LMNB1: variants seen among roughly 807,000 people sequenced by gnomAD.
LMNB1 encodes the protein lamin-B1.
A neutral mutation model predicts 67.1 loss-of-function variants in LMNB1; 23 were observed. The observed-to-expected ratio is 0.34, with a 90% CI of 0.25 to 0.49. The LOEUF is 0.49. Ranked by LOEUF, LMNB1 falls within the 20% of genes least tolerant of loss-of-function variation. LMNB1 has a pLI of 0.99. For missense variants in LMNB1, 634 were observed against 746.5 expected (o/e 0.85, Z 1.76); for synonymous variants, 281 against 282.9 (o/e 0.99, Z 0.07).
At position 126,835,727 on chromosome 5, in the gene LMNB1, T is replaced by G. The variant is rs542375841; in HGVS notation, c.1720-496T>G. Among the ~76,000 whole-genome samples the G allele has an allele frequency of 7.2e-5, 11 of 152,320 alleles. No individual in the cohort carries two copies. The South Asian group carries it at 2.3e-3, about 32-fold the overall frequency. On this transcript the variant is annotated intron_variant, in intron 10 of 10. Coordinates refer to ENST00000261366, the MANE Select transcript of LMNB1 (RefSeq NM_005573.4). ...TTTTAAACTCCTCAGGATCTGAATG[T>G]GTAGCCAGAGTTGACAATTACTGTT...
chr5:126,811,613 C>T (rs1751578487), intron 4 of LMNB1, 160 bp from the exon 5 acceptor site: 1 of 527,454 alleles, frequency 1.9e-6, no homozygotes, highest in African/African-American at 1.9e-5. Context: ...CACAGAATTA[C>T]CATCATTCAC....
Position 126,777,466 on chromosome 5 carries a change from T to G in LMNB1, c.-43T>G. On this transcript the variant is annotated 5_prime_UTR_variant, in exon 1 of 11. Coordinates refer to ENST00000261366, the MANE Select transcript of LMNB1 (RefSeq NM_005573.4). ...CCCTGCCGTCCCCTCCTTATCACGG[T>G]CCCGCTCGCGGCCTCGCCGCCCCGC... 7.7e-7 allele frequency: 1 copy of G among 1,296,026 alleles called. No homozygotes were observed. Among genetic ancestry groups the G allele is most frequent in the African/African-American group, 1.6e-5 (1 of 64,294 alleles). The allele number at this position is 1,296,026 out of a possible 1,614,324, so 80.3% of individuals were successfully genotyped here. A position where few individuals can be genotyped will look rare whatever the true frequency, so the allele number is the denominator to read the frequency against.
intron 1 of LMNB1, 137 bp from the exon 2 acceptor site, chr5:126,804,639 A>C (rs1751370325): frequency 1.5e-6 from 1 of 667,326 alleles, no homozygotes; most frequent in African/African-American, 1.8e-5. Context: ...AGTGCTTGTG[A>C]ATTGCTTCTC....
Position 126,825,977 on chromosome 5 carries a change from G to GT in LMNB1, c.1492-5dup, listed in dbSNP as rs778721567. 6.2e-7 allele frequency: 1 copy of GT among 1,613,450 alleles called. No individual in the cohort carries two copies. Among genetic ancestry groups the GT allele is most frequent in the Non-Finnish European group, 8.5e-7 (1 of 1,179,796 alleles). Reference sequence around the variant, plus strand: ...GTTCTGGGTGTACTGACATGCTTTGGTTTTTTACAGATTTGGGCTGCAAAC... The same window carrying GT: ...GTTCTGGGTGTACTGACATGCTTTGGTTTTTTTACAGATTTGGGCTGCAAAC... On this transcript the variant is annotated splice_polypyrimidine_tract_variant and intron_variant, in intron 8 of 10. Coordinates refer to ENST00000261366, the MANE Select transcript of LMNB1 (RefSeq NM_005573.4).
intron 8 of LMNB1, among the ~76,000 whole-genome samples, chr5:126,824,530 T>G (rs1018559536): frequency 2.0e-5 from 3 of 152,174 alleles, no homozygotes; most frequent in South Asian, 4.1e-4. Context: ...ATAGGACATA[T>G]TAGTTTTAGG....
At position 126,777,874 on chromosome 5, in the gene LMNB1, G is replaced by A. The variant is rs1230042682; in HGVS notation, c.359+7G>A. 4 of 1,389,992 alleles carry A rather than the reference G, an allele frequency of 2.9e-6. No homozygotes were observed. The highest frequency in any genetic ancestry group is 6.4e-5 in the Admixed American group (2 of 31,298). The allele number at this position is 1,389,992 out of a possible 1,614,324, so 86.1% of individuals were successfully genotyped here. On this transcript the variant is annotated splice_region_variant and intron_variant, in intron 1 of 10. Coordinates refer to ENST00000261366, the MANE Select transcript of LMNB1 (RefSeq NM_005573.4). ...ACGACCAGCTGCTCCTCAAGTGAGT[G>A]CTAGCTGGCGGCCGCGTTAGCGCCA...
chr5:126,778,016 G>A (rs1227391070), intron 1 of LMNB1, 149 bp downstream of exon 1: 2 of 736,506 alleles, frequency 2.7e-6, no homozygotes, highest in Non-Finnish European at 3.9e-6. Flanking sequence ...CTCCGGAAAG[G>A]AGAAAGAATC....
chr5:126,835,438 A>C (rs1470801812), intron 10 of LMNB1, among the ~76,000 whole-genome samples: 1 of 152,208 alleles, frequency 6.6e-6, no homozygotes, highest in East Asian at 1.9e-4. Flanking sequence ...AGCCATGTTG[A>C]CTTCACCTTG....
At chr5:126,781,715 C>T (rs111458064) in intron 1 of LMNB1, among the ~76,000 whole-genome samples, 71 of 152,234 alleles carry the variant, frequency 4.7e-4, no homozygotes, top group African/African-American at 1.6e-3. Context: ...GGATTATAGG[C>T]GTGAGCCACC....
chr5:126,810,782 C>T (rs973257122), intron 4 of LMNB1, among the ~76,000 whole-genome samples: 6 of 152,198 alleles, frequency 3.9e-5, no homozygotes, highest in Admixed American at 6.6e-5. Flanking sequence ...ACCACACTTC[C>T]GGCTTTTTTG....
intron 1 of LMNB1, among the ~76,000 whole-genome samples, chr5:126,797,905 G>A (rs1302512321): frequency 1.3e-5 from 2 of 152,032 alleles, no homozygotes; most frequent in Non-Finnish European, 2.9e-5. Flanking sequence ...GGAAAACCCT[G>A]TCTTCCCATC....
chr5:126,835,627 A>T (rs62392862), intron 10 of LMNB1, among the ~76,000 whole-genome samples: 10,659 of 152,312 alleles, frequency 0.07, 474 homozygotes, highest in Non-Finnish European at 0.099. Flanking sequence ...TTAAAATTAT[A>T]TATAGATAGC....
rs182570503 is a variant in LMNB1, at chr5:126,833,723, G to T, written c.1719+922G>T. On this transcript the variant is annotated intron_variant, in intron 10 of 10. Transcript: ENST00000261366. The stretch of plus-strand genomic sequence containing the variant: ...TACTAGAAGTAAAATAATTATGTAA[G>T]AGATAACTCAAGGCACCAGACAAGA... Among the ~76,000 whole-genome samples the T allele has an allele frequency of 6.4e-3, 981 of 152,306 alleles. 3 individuals carry two copies. Among genetic ancestry groups the T allele is most frequent in the Non-Finnish European group, 0.01 (708 of 68,038 alleles).
In LMNB1 at chr5:126,777,558, G is replaced by T; in HGVS notation, c.50G>T (p.Gly17Val). ...VPPRMGSRAG[G>V]PTTPLSPTRL... ...CCGCGGATGGGCAGCCGCGCTGGCGGCCCCACCACGCCGCTGAGCCCCACG... is the reference window on the plus strand; with the variant it reads ...CCGCGGATGGGCAGCCGCGCTGGCGTCCCCACCACGCCGCTGAGCCCCACG... Residue 17 changes from glycine (G) to valine (V), a missense_variant, in exon 1 of 11, where the codon GGC becomes GTC. Coordinates refer to ENST00000261366, the MANE Select transcript of LMNB1 (RefSeq NM_005573.4). 1 of 1,459,068 alleles carries T rather than the reference G, an allele frequency of 6.9e-7. No homozygotes were observed. 90.4% of individuals were successfully genotyped at this position (1,459,068 alleles called of 1,614,324 possible).
intron 1 of LMNB1, among the ~76,000 whole-genome samples, chr5:126,788,354 G>T (rs1057408054): frequency 1.3e-5 from 2 of 152,036 alleles, no homozygotes; most frequent in Non-Finnish European, 2.9e-5. Context: ...ATAGAGAGGT[G>T]AGGCTGGGCG....
At chr5:126,808,899 G>A (rs932126904) in intron 3 of LMNB1, among the ~76,000 whole-genome samples, 5 of 148,846 alleles carry the variant, frequency 3.4e-5, no homozygotes, top group South Asian at 4.2e-4. Flanking sequence ...TTTTTGAGAC[G>A]GAGTCCAGCT....
intron 1 of LMNB1, among the ~76,000 whole-genome samples, chr5:126,792,082 C>T (rs936410140): frequency 1.3e-5 from 2 of 150,884 alleles, no homozygotes; most frequent in Admixed American, 6.6e-5. Context: ...TGTACCCAGC[C>T]TATTCTCTTC....
At chr5:126,832,919 C>T in intron 10 of LMNB1, 118 bp downstream of exon 10, 1 of 576,384 alleles carries the variant, frequency 1.7e-6, no homozygotes, top group Non-Finnish European at 3.0e-6. Context: ...AGTTATCTAC[C>T]AAGTGGGGTT....
In LMNB1 at chr5:126,811,875, C is replaced by T; in HGVS notation, c.916C>T (p.Gln306Ter). 1 of 1,612,562 alleles carries T rather than the reference C, an allele frequency of 6.2e-7. No individual in the cohort carries two copies. Residue 306 changes from glutamine (Q) to a stop codon, truncating the protein, a stop_gained, in exon 5 of 11, where the codon CAG becomes TAG. Transcript: ENST00000261366. LOFTEE classifies it high-confidence loss of function. ...SRMRIESLSS[Q>*]LSNLQKESRA... The stretch of plus-strand genomic sequence containing the variant: ...CATGAGAATTGAGAGCCTTTCATCC[C>T]AGCTTTCTAATCTACAGAAAGAGGT...
Sources: allele counts gnomAD v4.1 joint callset (sites outside exome capture counted in the v4.1 genomes callset), GRCh38; gene constraint gnomAD v4.1.1; transcripts MANE v1.5; gene names NCBI Gene and HGNC (gene_info 2026-07-23, HGNC 2026-07-21).